The following TBC1D31 variants were observed in gnomAD, a reference collection of about 807,000 sequenced individuals.
The protein encoded by TBC1D31 is TBC1 domain family member 31, also known as WD repeat domain 67.
TBC1D31 carries 99 observed loss-of-function variants against 132.9 expected under a neutral mutation model. That is an observed-to-expected ratio of 0.74 (90% CI 0.63 to 0.88). The LOEUF (loss-of-function observed/expected upper bound fraction) is 0.88. Among genes scored for constraint, TBC1D31 ranks in the 40% least tolerant of loss-of-function variants. The pLI is 0.00. For synonymous variants in TBC1D31, 385 were observed against 419.4 expected, an observed-to-expected ratio of 0.92 and a Z score of 1.00; for missense variants, 1,134 against 1,256.6, an observed-to-expected ratio of 0.90 and a Z score of 1.48.
intron 4 of TBC1D31, among the ~76,000 whole-genome samples, chr8:123,087,231 CT>C (rs1478880870): frequency 6.6e-6 from 1 of 152,186 alleles, no homozygotes; most frequent in Non-Finnish European, 1.5e-5. Context: ...CTCCCACTGT[CT>C]TTTGGTTTTC....
At chr8:123,132,717 A>G (rs987045286) in intron 16 of TBC1D31, among the ~76,000 whole-genome samples, 1 of 152,102 alleles carries the variant, frequency 6.6e-6, no homozygotes, top group African/African-American at 2.4e-5. Context: ...CTTTCAAAGT[A>G]TTTTTAATTC....
At chr8:123,077,324 T>C (rs1196035235) in intron 2 of TBC1D31, 67 bp downstream of exon 2, 10 of 1,398,604 alleles carry the variant, frequency 7.1e-6, no homozygotes, top group Non-Finnish European at 9.7e-6. Context: ...TTTTCGTACC[T>C]GCTATTCATT....
At chr8:123,122,338 A>G (rs1052318995) in intron 11 of TBC1D31, among the ~76,000 whole-genome samples, 1 of 152,214 alleles carries the variant, frequency 6.6e-6, no homozygotes, top group Admixed American at 6.5e-5. Flanking sequence ...CACGCAATGG[A>G]ATGTTATCCA....
At chr8:123,143,976 C>T (rs1181239347) in intron 19 of TBC1D31, among the ~76,000 whole-genome samples, 6 of 152,242 alleles carry the variant, frequency 3.9e-5, no homozygotes, top group African/African-American at 9.6e-5. Flanking sequence ...TTGACTACTG[C>T]GTGGCCTTGG....
chr8:123,141,640 C>T (rs1351385870), intron 18 of TBC1D31, among the ~76,000 whole-genome samples: 1 of 151,960 alleles, frequency 6.6e-6, no homozygotes, highest in African/African-American at 2.4e-5. Flanking sequence ...CCGTAGATAC[C>T]TTCTGTTGTA....
intron 10 of TBC1D31, 41 bp downstream of exon 10, chr8:123,109,661 A>G: frequency 6.6e-7 from 1 of 1,506,622 alleles, no homozygotes; most frequent in Non-Finnish European, 9.0e-7. Context: ...GAGACCTGTA[A>G]CTAATAATTG....
intron 2 of TBC1D31, among the ~76,000 whole-genome samples, chr8:123,078,531 G>A (rs892321985): frequency 8.5e-5 from 13 of 152,108 alleles, no homozygotes; most frequent in Admixed American, 5.2e-4. Flanking sequence ...GAATATACCC[G>A]GTGTTGAGTT....
At chr8:123,164,609 C>T in the TBC1D31 span, among the ~76,000 whole-genome samples, 1 of 152,052 alleles carries the variant, frequency 6.6e-6, no homozygotes, top group Non-Finnish European at 1.5e-5. Context: ...GTAATCCTAG[C>T]TACTCAGGAG....
intron 20 of TBC1D31, among the ~76,000 whole-genome samples, chr8:123,145,868 T>A (rs1822147113): frequency 2.1e-5 from 3 of 144,012 alleles, no homozygotes; most frequent in Admixed American, 2.1e-4. Context: ...TCTTTCTCTT[T>A]TTCTTTTTTT....
intron 17 of TBC1D31, among the ~76,000 whole-genome samples, chr8:123,135,735 A>T (rs1433609559): frequency 6.6e-6 from 1 of 152,244 alleles, no homozygotes; most frequent in Non-Finnish European, 1.5e-5. Context: ...TAAAGTCTCC[A>T]CACTGAATTT....
chr8:123,134,874 G>A (rs1056990134), intron 17 of TBC1D31, among the ~76,000 whole-genome samples: 2 of 152,052 alleles, frequency 1.3e-5, no homozygotes, highest in Non-Finnish European at 2.9e-5. Flanking sequence ...GTCAGGAGCT[G>A]TAAAGTACTT....
intron 20 of TBC1D31, among the ~76,000 whole-genome samples, chr8:123,149,292 C>T (rs1004369792): frequency 2.0e-5 from 3 of 152,094 alleles, no homozygotes; most frequent in African/African-American, 7.2e-5. Context: ...ACTCATTGAG[C>T]TAAAACTATG....
At chr8:123,123,375 A>T in intron 11 of TBC1D31, 1 of 186,758 alleles carries the variant, frequency 5.4e-6, no homozygotes, top group Non-Finnish European at 1.2e-5. Flanking sequence ...GAGGATCCCA[A>T]TGCATCTCAC....
chr8:123,126,638 T>C lies in TBC1D31; in HGVS notation c.1835T>C (p.Ile612Thr). The change falls in exon 13 of 22, where the codon ATA (isoleucine) becomes ACA (threonine). Residue 612 changes from isoleucine to threonine, a missense_variant. Coordinates refer to ENST00000287380, the MANE Select transcript of TBC1D31 (RefSeq NM_145647.4). ...CTGATGACTGTTGTAGCCTACAACA[T>C]ATGTTCTAGAACGCCTCTGCTCAGC... Reference protein sequence around the residue: ...FLLMTVVAYNICSRTPLLSCN... With the variant: ...FLLMTVVAYNTCSRTPLLSCN... 6.2e-7 allele frequency: 1 copy of C among 1,614,016 alleles called. No homozygotes were observed. The highest frequency in any genetic ancestry group is 1.1e-5 in the South Asian group (1 of 91,072).
At chr8:123,151,447 C>G (rs1822765047) in intron 21 of TBC1D31, among the ~76,000 whole-genome samples, 1 of 152,056 alleles carries the variant, frequency 6.6e-6, no homozygotes, top group Non-Finnish European at 1.5e-5. Flanking sequence ...GTGTATATTT[C>G]ACAGTTTTAT....
intron 5 of TBC1D31, among the ~76,000 whole-genome samples, chr8:123,096,212 C>A (rs965644644): frequency 2.6e-5 from 4 of 152,128 alleles, no homozygotes; most frequent in East Asian, 1.9e-4. Flanking sequence ...TTCAACCCCC[C>A]ACCCCTCATT....
chr8:123,115,689 A>G (rs11774489), intron 10 of TBC1D31, among the ~76,000 whole-genome samples: 46,810 of 152,002 alleles, frequency 0.31, 7,280 homozygotes, highest in African/African-American at 0.35. Flanking sequence ...CAGCTTCTGC[A>G]GGTTTCCCAT....
intron 2 of TBC1D31, among the ~76,000 whole-genome samples, chr8:123,079,624 C>T (rs1380382262): frequency 6.6e-6 from 1 of 152,138 alleles, no homozygotes; most frequent in African/African-American, 2.4e-5. Context: ...ACATCGAGGA[C>T]TCTTTGCACT....
intron 1 of TBC1D31, among the ~76,000 whole-genome samples, chr8:123,073,718 C>T (rs913412531): frequency 6.6e-6 from 1 of 152,078 alleles, no homozygotes; most frequent in African/African-American, 2.4e-5. Flanking sequence ...CGGAGTCTTG[C>T]TCTGTCGCCT....
Sources: gnomAD v4.1 joint callset for allele counts (sites outside exome capture counted in the v4.1 genomes callset) on GRCh38, gnomAD v4.1.1 for gene constraint, MANE v1.5 for transcripts, NCBI Gene and HGNC (gene_info 2026-07-23, HGNC 2026-07-21) for gene names.